Variants in AFG2A observed in about 807,000 individuals in gnomAD.
The protein encoded by AFG2A is AAA ATPase AFG2A, also known as ATPase family gene 2 protein homolog A.
At chr4:123,058,255 A>C in the AFG2A span, among the ~76,000 whole-genome samples, 1 of 152,230 alleles carries the variant, frequency 6.6e-6, no homozygotes, top group Non-Finnish European at 1.5e-5. Flanking sequence ...ATCATGGTGG[A>C]AGGCGAAAGA....
chr4:123,296,457 T>C, the AFG2A span, among the ~76,000 whole-genome samples: 13 of 152,354 alleles, frequency 8.5e-5, no homozygotes, highest in South Asian at 1.9e-3. Context: ...TGAAATATAC[T>C]GACTGGTAAA....
the AFG2A span, among the ~76,000 whole-genome samples, chr4:122,959,175 T>C: frequency 6.6e-6 from 1 of 152,312 alleles, no homozygotes; most frequent in Non-Finnish European, 1.5e-5. Flanking sequence ...TTTTTGGAGA[T>C]TCTCTAACTG....
At chr4:123,313,973 A>C in the AFG2A span, 4 of 1,613,048 alleles carry the variant, frequency 2.5e-6, no homozygotes, top group Non-Finnish European at 2.5e-6. Flanking sequence ...CATTTCACTC[A>C]GGCCTTGAGC....
At chr4:123,024,588 AC>A in the AFG2A span, among the ~76,000 whole-genome samples, 1 of 152,242 alleles carries the variant, frequency 6.6e-6, no homozygotes, top group Non-Finnish European at 1.5e-5. Context: ...CAGAGAAATT[AC>A]CAACTAAGTA....
the AFG2A span, among the ~76,000 whole-genome samples, chr4:123,291,137 C>G: frequency 6.6e-6 from 1 of 152,100 alleles, no homozygotes; most frequent in South Asian, 2.1e-4. Flanking sequence ...GCTATTACTG[C>G]TTGCTTTTGG....
the AFG2A span, among the ~76,000 whole-genome samples, chr4:123,015,810 G>A: frequency 1.0e-4 from 7 of 68,954 alleles, no homozygotes; most frequent in Admixed American, 1.2e-3. Flanking sequence ...CGGGTGGGGG[G>A]CTGACCCCCC....
chr4:123,251,712 C>T, the AFG2A span, among the ~76,000 whole-genome samples: 1 of 151,594 alleles, frequency 6.6e-6, no homozygotes, highest in Admixed American at 6.6e-5. Flanking sequence ...TTCCTAAGTC[C>T]TGTATTTGTT....
the AFG2A span, among the ~76,000 whole-genome samples, chr4:123,306,208 G>C: frequency 6.6e-6 from 1 of 152,056 alleles, no homozygotes; most frequent in Non-Finnish European, 1.5e-5. Flanking sequence ...AAACATTTTT[G>C]TTAAAAATCT....
the AFG2A span, among the ~76,000 whole-genome samples, chr4:122,949,268 CATT>C: frequency 6.6e-6 from 1 of 152,224 alleles, no homozygotes; most frequent in African/African-American, 2.4e-5. Context: ...TCTAGCCCAT[CATT>C]GTGTACAGCC....
chr4:122,945,305 C>G, the AFG2A span, among the ~76,000 whole-genome samples: 2 of 152,222 alleles, frequency 1.3e-5, no homozygotes, highest in Non-Finnish European at 2.9e-5. Flanking sequence ...TTCAAGCTTC[C>G]GGGCTGCGGC....
the AFG2A span, among the ~76,000 whole-genome samples, chr4:123,079,910 C>T: frequency 7.7e-3 from 1,168 of 151,710 alleles, 10 homozygotes; most frequent in Non-Finnish European, 0.013. Context: ...CTACCACACC[C>T]GGCTAATTTT....
the AFG2A span, among the ~76,000 whole-genome samples, chr4:122,939,801 G>A: frequency 7.9e-5 from 12 of 151,976 alleles, no homozygotes; most frequent in Admixed American, 6.6e-4. Context: ...TCCACAACAG[G>A]CCCCAGAGTG....
chr4:123,077,510 A>C, the AFG2A span, among the ~76,000 whole-genome samples: 1 of 152,142 alleles, frequency 6.6e-6, no homozygotes, highest in African/African-American at 2.4e-5. Flanking sequence ...GTCAGAAACG[A>C]ATGACTTCAT....
At chr4:122,953,397 C>G in the AFG2A span, among the ~76,000 whole-genome samples, 1 of 152,242 alleles carries the variant, frequency 6.6e-6, no homozygotes, top group Non-Finnish European at 1.5e-5. Context: ...CAACGAATGT[C>G]ACCATATATG....
At chr4:123,056,497 T>C in the AFG2A span, 34 of 1,442,156 alleles carry the variant, frequency 2.4e-5, no homozygotes, top group East Asian at 8.0e-4. Context: ...TTCTGTCCTG[T>C]GCAGCTTCCC....
the AFG2A span, among the ~76,000 whole-genome samples, chr4:123,185,068 G>A: frequency 6.6e-6 from 1 of 152,046 alleles, no homozygotes; most frequent in East Asian, 1.9e-4. Flanking sequence ...TTATTTTGTA[G>A]GTGAAACCTA....
At chr4:123,028,046 A>G in the AFG2A span, 1 of 676,024 alleles carries the variant, frequency 1.5e-6, no homozygotes, top group Non-Finnish European at 2.4e-6. Context: ...TATTCTTGGA[A>G]TTTTTTAAAG....
At chr4:123,168,234 C>T in the AFG2A span, among the ~76,000 whole-genome samples, 1 of 152,098 alleles carries the variant, frequency 6.6e-6, no homozygotes, top group Non-Finnish European at 1.5e-5. Flanking sequence ...TTCTGTCATC[C>T]TTCCTCCTGA....
At chr4:123,025,015 CA>C in the AFG2A span, among the ~76,000 whole-genome samples, 3 of 152,100 alleles carry the variant, frequency 2.0e-5, no homozygotes, top group Admixed American at 6.6e-5. Flanking sequence ...AGGTCGAGGA[CA>C]AGGGCATCCT....
Sources: allele counts gnomAD v4.1 joint callset (sites outside exome capture counted in the v4.1 genomes callset), GRCh38; gene constraint gnomAD v4.1.1; transcripts MANE v1.5; gene names NCBI Gene and HGNC (gene_info 2026-07-23, HGNC 2026-07-21).